The following ADGRL2 variants were observed in gnomAD, a reference collection of about 807,000 sequenced individuals.
ADGRL2 encodes adhesion G protein-coupled receptor L2, also known as calcium-independent alpha-latrotoxin receptor 2.
In ADGRL2, 44 loss-of-function variants were observed where a neutral mutation model predicts 157.4. That is an observed-to-expected ratio of 0.28 (90% CI 0.22 to 0.36). The LOEUF (loss-of-function observed/expected upper bound fraction) is 0.36, where lower values mean the gene tolerates loss of function less well. ADGRL2 is among the 10% of genes least tolerant of loss of function. The pLI is 1.00. For missense variants in ADGRL2, 1,510 were observed against 1,768.9 expected (o/e 0.85, Z 2.63); for synonymous variants, 585 against 624.7 (o/e 0.94, Z 0.95).
At chr1:81,347,187 T>A (rs1570683207) in intron 1 of ADGRL2, among the ~76,000 whole-genome samples, 1 of 151,908 alleles carries the variant, frequency 6.6e-6, no homozygotes, top group Non-Finnish European at 1.5e-5. Flanking sequence ...TCACCTGAGG[T>A]CAGGAGTTTG....
intron 1 of ADGRL2, among the ~76,000 whole-genome samples, chr1:81,412,116 C>T (rs139797213): frequency 6.6e-6 from 1 of 152,208 alleles, no homozygotes; most frequent in East Asian, 1.9e-4. Flanking sequence ...ATAAGATATA[C>T]AGTTACTATC....
intron 1 of ADGRL2, among the ~76,000 whole-genome samples, chr1:81,738,749 C>T (rs1422267075): frequency 6.6e-6 from 1 of 152,236 alleles, no homozygotes; most frequent in East Asian, 1.9e-4. Context: ...GTCTGGCATT[C>T]TAGCACCTGT....
intron 3 of ADGRL2, among the ~76,000 whole-genome samples, chr1:81,923,515 C>T (rs2148643536): frequency 6.6e-6 from 1 of 151,900 alleles, no homozygotes; most frequent in South Asian, 2.1e-4. Flanking sequence ...TCAGAGTATC[C>T]CAAGAGTCTA....
intron 2 of ADGRL2, among the ~76,000 whole-genome samples, chr1:81,771,490 T>C (rs562482353): frequency 7.9e-5 from 12 of 152,098 alleles, no homozygotes; most frequent in Non-Finnish European, 1.8e-4. Context: ...AATAAATGCA[T>C]CGCATAGAGG....
At chr1:81,981,025 T>G (rs1661516847) in intron 18 of ADGRL2, 2 of 415,002 alleles carry the variant, frequency 4.8e-6, no homozygotes, top group Admixed American at 8.3e-5. Flanking sequence ...TTTCTTAATT[T>G]TGACTAATTT....
At chr1:81,576,977 A>G (rs1385921164) in intron 2 of ADGRL2, among the ~76,000 whole-genome samples, 1 of 152,106 alleles carries the variant, frequency 6.6e-6, no homozygotes, top group Non-Finnish European at 1.5e-5. Context: ...AAGCATGGTT[A>G]TCATTTTTCT....
chr1:81,899,895 G>C (rs2094457282), intron 2 of ADGRL2, among the ~76,000 whole-genome samples: 1 of 152,048 alleles, frequency 6.6e-6, no homozygotes, highest in Non-Finnish European at 1.5e-5. Context: ...CCCAAGACTA[G>C]TAGCAGCCAG....
intron 3 of ADGRL2, among the ~76,000 whole-genome samples, chr1:81,673,510 ATTTT>A (rs35732882): frequency 4.0e-5 from 4 of 100,154 alleles, no homozygotes; most frequent in Admixed American, 2.4e-4. Flanking sequence ...TGTGCCTTCT[ATTTT>A]TTTTTTTTTT....
intron 1 of ADGRL2, among the ~76,000 whole-genome samples, chr1:81,440,460 G>A (rs1174692741): frequency 6.6e-6 from 1 of 152,158 alleles, no homozygotes; most frequent in East Asian, 1.9e-4. Context: ...TCCTAATTAT[G>A]CCATTTCTCA....
At chr1:81,651,955 C>T (rs577200189) in intron 3 of ADGRL2, among the ~76,000 whole-genome samples, 84 of 152,194 alleles carry the variant, frequency 5.5e-4, no homozygotes, top group African/African-American at 1.9e-3. Flanking sequence ...GAACCTCACA[C>T]CTCGGCCTCC....
chr1:81,712,922 C>A (rs1393832587), intron 1 of ADGRL2, among the ~76,000 whole-genome samples: 1 of 151,844 alleles, frequency 6.6e-6, no homozygotes, highest in Non-Finnish European at 1.5e-5. Context: ...CCACCACGCC[C>A]AGCTAATTTT....
chr1:81,971,700 CAG>C (rs948284556), intron 16 of ADGRL2, 150 bp from the exon 17 acceptor site: 64 of 498,286 alleles, frequency 1.3e-4, no homozygotes, highest in African/African-American at 1.2e-3. Flanking sequence ...AAAGCCAACT[CAG>C]AATTATTAGA....
intron 1 of ADGRL2, among the ~76,000 whole-genome samples, chr1:81,368,211 A>G (rs551759655): frequency 2.0e-4 from 31 of 152,236 alleles, no homozygotes; most frequent in Admixed American, 1.0e-3. Context: ...ACTTTTTAAT[A>G]ATCACCATTC....
chr1:81,616,973 C>T (rs908540437), intron 3 of ADGRL2, among the ~76,000 whole-genome samples: 1 of 152,182 alleles, frequency 6.6e-6, no homozygotes, highest in Non-Finnish European at 1.5e-5. Flanking sequence ...CCACTGCGCC[C>T]AGCCGAGTTC....
intron 2 of ADGRL2, among the ~76,000 whole-genome samples, chr1:81,465,002 T>C (rs1382603925): frequency 6.6e-6 from 1 of 150,852 alleles, no homozygotes; most frequent in African/African-American, 2.4e-5. Flanking sequence ...TAAGAACCAG[T>C]CGCCCACTGT....
intron 1 of ADGRL2, among the ~76,000 whole-genome samples, chr1:81,435,064 C>T (rs2077385528): frequency 6.6e-6 from 1 of 152,134 alleles, no homozygotes; most frequent in African/African-American, 2.4e-5. Flanking sequence ...TTTTATTTTA[C>T]TTATACTCTA....
At chr1:81,339,343 C>T (rs1661889487) in intron 1 of ADGRL2, among the ~76,000 whole-genome samples, 1 of 152,200 alleles carries the variant, frequency 6.6e-6, no homozygotes, top group Non-Finnish European at 1.5e-5. Flanking sequence ...CAATGCCTTG[C>T]TCTTAAGCAT....
At chr1:81,483,086 C>T (rs1475267495) in intron 2 of ADGRL2, among the ~76,000 whole-genome samples, 1 of 152,046 alleles carries the variant, frequency 6.6e-6, no homozygotes, top group African/African-American at 2.4e-5. Flanking sequence ...AATAGTCACC[C>T]TCAGAACCCA....
At chr1:81,951,801 G>A (rs1651887865) in intron 8 of ADGRL2, among the ~76,000 whole-genome samples, 156 bp from the exon 9 acceptor site, 1 of 151,862 alleles carries the variant, frequency 6.6e-6, no homozygotes, top group Non-Finnish European at 1.5e-5. Context: ...TAAGAGCCTT[G>A]AAACTTCTAA....
Sources: allele counts gnomAD v4.1 joint callset (sites outside exome capture counted in the v4.1 genomes callset), GRCh38; gene constraint gnomAD v4.1.1; transcripts MANE v1.5; gene names NCBI Gene and HGNC (gene_info 2026-07-23, HGNC 2026-07-21).